Variants in TULP4 observed in about 807,000 individuals in gnomAD.
The protein encoded by TULP4 is tubby-related protein 4.
A neutral mutation model predicts 129.0 loss-of-function variants in TULP4; 16 were observed. That is an observed-to-expected ratio of 0.12 (90% CI 0.08 to 0.19). TULP4 has a LOEUF of 0.19. TULP4 is among the 10% of genes least tolerant of loss of function. The pLI is 1.00. For synonymous variants in TULP4, 998 were observed against 854.0 expected (o/e 1.17, Z -2.94); for missense variants, 1,842 against 2,059.1 (o/e 0.89, Z 2.04).
intron 11 of TULP4, 73 bp downstream of exon 11, chr6:158,494,919 G>A: frequency 1.6e-6 from 2 of 1,278,874 alleles, no homozygotes; most frequent in Non-Finnish European, 2.2e-6. Context: ...ACCTTTAGTG[G>A]CTTAAACTAG....
At chr6:158,241,902 A>C in intron 1 of TULP4, 1 of 763,686 alleles carries the variant, frequency 1.3e-6, no homozygotes, top group Non-Finnish European at 2.4e-6. Flanking sequence ...CAGCTTTGTT[A>C]AATTCTATAG....
At chr6:158,369,589 C>A (rs1777027251) in intron 1 of TULP4, among the ~76,000 whole-genome samples, 1 of 152,072 alleles carries the variant, frequency 6.6e-6, no homozygotes. Context: ...GGGTGGAAAA[C>A]CTTGTTATAT....
At chr6:158,475,536 C>T (rs1779798592) in intron 6 of TULP4, among the ~76,000 whole-genome samples, 1 of 152,224 alleles carries the variant, frequency 6.6e-6, no homozygotes, top group Admixed American at 6.5e-5. Context: ...CCCTAGCAGA[C>T]AGCAGCTGTT....
intron 1 of TULP4, chr6:158,242,742 A>G (rs1292419019): frequency 6.3e-6 from 3 of 475,646 alleles, no homozygotes; most frequent in Non-Finnish European, 1.2e-5. Flanking sequence ...GAGAGCACAC[A>G]GGAAGTTGCT....
intron 1 of TULP4, among the ~76,000 whole-genome samples, chr6:158,239,429 C>G (rs1777806125): frequency 1.4e-5 from 1 of 71,596 alleles, no homozygotes; most frequent in African/African-American, 4.4e-5. Flanking sequence ...CCCCACCTCC[C>G]TCCCGGACGG....
Position 158,399,872 on chromosome 6 carries a change from CG to C in TULP4, c.253-13192del, listed in dbSNP as rs1056211521. 1.9e-4 allele frequency among the ~76,000 whole-genome samples: 29 copies of C among 152,236 alleles called. 1 individual carries two copies. Among genetic ancestry groups the C allele is most frequent in the Non-Finnish European group, 1.8e-4 (12 of 68,002 alleles). On this transcript the variant is annotated intron_variant, in intron 1 of 13. Transcript: ENST00000367097. ...TCTTTAGCATTCATGTGGATTTTGACGAAAGAACACTCTAAAAGAGCTTGAG... is the reference window on the plus strand; with the variant it reads ...TCTTTAGCATTCATGTGGATTTTGACAAAGAACACTCTAAAAGAGCTTGAG...
intron 1 of TULP4, among the ~76,000 whole-genome samples, chr6:158,253,893 C>G (rs1179864991): frequency 6.6e-6 from 1 of 151,918 alleles, no homozygotes; most frequent in Non-Finnish European, 1.5e-5. Flanking sequence ...AAATTATTAG[C>G]TGGGCTTGGT....
At chr6:158,446,213 A>G (rs1311483288) in intron 3 of TULP4, among the ~76,000 whole-genome samples, 1 of 152,246 alleles carries the variant, frequency 6.6e-6, no homozygotes, top group African/African-American at 2.4e-5. Flanking sequence ...TTTATGTTGT[A>G]TCACTGTTCT....
intron 1 of TULP4, among the ~76,000 whole-genome samples, chr6:158,390,986 A>G (rs1262163690): frequency 6.6e-6 from 1 of 152,130 alleles, no homozygotes; most frequent in East Asian, 1.9e-4. Context: ...CTGAGGCGGG[A>G]GAATTGCTTG....
In TULP4 at chr6:158,493,179, TG is replaced by T. The variant is rs1780253837; in HGVS notation, c.1632-393del. 6.6e-6 allele frequency among the ~76,000 whole-genome samples: 1 copy of T among 152,118 alleles called. No homozygotes were observed. Among genetic ancestry groups the T allele is most frequent in the East Asian group, 1.9e-4 (1 of 5,178 alleles). On this transcript the variant is annotated intron_variant, in intron 9 of 13. Transcript: ENST00000367097. This position sits in a 1 kb window ranked among gnomAD's most constrained non-coding sequence, Gnocchi z 4.4. ...AATGGATCGCTGGATCTCATTTCAG[TG>T]TATACTAAGTATATTTTGAGATGGG...
chr6:158,442,700 A>G (rs1002811784), intron 3 of TULP4, among the ~76,000 whole-genome samples: 6 of 152,144 alleles, frequency 3.9e-5, no homozygotes, highest in African/African-American at 1.2e-4. Context: ...AAAATACTAA[A>G]TGTTCCACAG....
intron 2 of TULP4, among the ~76,000 whole-genome samples, chr6:158,418,918 T>C (rs1273995553): frequency 6.6e-6 from 1 of 152,264 alleles, no homozygotes; most frequent in Non-Finnish European, 1.5e-5. Flanking sequence ...CCAAAATAGT[T>C]TTCTCTTTTA....
At chr6:158,263,211 G>A (rs959757708) in intron 1 of TULP4, among the ~76,000 whole-genome samples, 3 of 152,140 alleles carry the variant, frequency 2.0e-5, no homozygotes, top group African/African-American at 7.2e-5. Context: ...TTGAACTGTT[G>A]AACAGTAACC....
intron 1 of TULP4, among the ~76,000 whole-genome samples, chr6:158,295,747 C>T (rs903273238): frequency 7.9e-5 from 12 of 152,096 alleles, no homozygotes; most frequent in Admixed American, 5.9e-4. Context: ...AAAAATTAGC[C>T]GGGCCTGGTG....
In TULP4 at chr6:158,510,276, C is replaced by G. The variant is rs1378524119; in HGVS notation, c.*3582C>G. 1 of 152,488 alleles carries G rather than the reference C, an allele frequency of 6.6e-6. No individual in the cohort carries two copies. Among genetic ancestry groups the G allele is most frequent in the Non-Finnish European group, 1.5e-5 (1 of 68,046 alleles). 9.4% of individuals were successfully genotyped at this position (152,488 alleles called of 1,614,324 possible). A position where few individuals can be genotyped will look rare whatever the true frequency, so the allele number is the denominator to read the frequency against. Reference sequence around the variant, plus strand: ...TAGCCATTGCTCCCTTGTCAAGTGTCTCACAAGGACATGGAAGAATGTGTT... The same window carrying G: ...TAGCCATTGCTCCCTTGTCAAGTGTGTCACAAGGACATGGAAGAATGTGTT... On this transcript the variant is annotated 3_prime_UTR_variant, in exon 14 of 14. Transcript: ENST00000367097.
At chr6:158,427,143 T>C (rs1320187491) in intron 2 of TULP4, among the ~76,000 whole-genome samples, 3 of 152,174 alleles carry the variant, frequency 2.0e-5, no homozygotes, top group African/African-American at 7.2e-5. Flanking sequence ...GAATAATATG[T>C]ATAAAAAGGA....
At chr6:158,335,813 A>G (rs1780019465) in intron 1 of TULP4, among the ~76,000 whole-genome samples, 1 of 152,174 alleles carries the variant, frequency 6.6e-6, no homozygotes, top group Non-Finnish European at 1.5e-5. Context: ...CACATATACT[A>G]CTGTATATCG....
intron 1 of TULP4, among the ~76,000 whole-genome samples, chr6:158,331,767 ACACG>A (rs370362141): frequency 0.14 from 4,744 of 33,114 alleles, 1,119 homozygotes; most frequent in East Asian, 0.24. Context: ...GTGTATATAT[ACACG>A]TATATATACA....
chr6:158,239,256 G>A (rs1188925850), intron 1 of TULP4, among the ~76,000 whole-genome samples: 1 of 59,864 alleles, frequency 1.7e-5, no homozygotes. Context: ...CCTCCCTCCC[G>A]GACCGGGCGG....
Sources: gnomAD v4.1 joint callset for allele counts (sites outside exome capture counted in the v4.1 genomes callset) on GRCh38, gnomAD v4.1.1 for gene constraint, Gnocchi (gnomAD v3.1) non-coding constraint, MANE v1.5 for transcripts, NCBI Gene and HGNC (gene_info 2026-07-23, HGNC 2026-07-21) for gene names.